The following MAP1B variants were observed in gnomAD, a reference collection of about 807,000 sequenced individuals.
MAP1B encodes microtubule associated protein 1B, also known as microtubule-associated protein 1B.
A neutral mutation model predicts 176.1 loss-of-function variants in MAP1B; 12 were observed. That is an observed-to-expected ratio of 0.07 (90% CI 0.04 to 0.11). The LOEUF is 0.11. Among genes scored for constraint, MAP1B ranks in the 10% least tolerant of loss-of-function variants. The pLI is 1.00. For missense variants in MAP1B, 2,523 were observed against 2,990.5 expected (o/e 0.84, Z 3.65); for synonymous variants, 1,044 against 1,135.0 (o/e 0.92, Z 1.61).
intron 2 of MAP1B, among the ~76,000 whole-genome samples, chr5:72,161,709 C>A (rs1001685073): frequency 6.6e-6 from 1 of 152,132 alleles, no homozygotes; most frequent in African/African-American, 2.4e-5. Flanking sequence ...GTAATCCCAG[C>A]ACTTTGGGAG....
chr5:72,182,773 T>G (rs1019652041), intron 2 of MAP1B, among the ~76,000 whole-genome samples: 1 of 152,164 alleles, frequency 6.6e-6, no homozygotes, highest in African/African-American at 2.4e-5. Flanking sequence ...GCAGCAGACA[T>G]GTTTGTGTCT....
At chr5:72,193,194 AT>A in intron 4 of MAP1B, 1 of 345,988 alleles carries the variant, frequency 2.9e-6, no homozygotes, top group South Asian at 2.3e-5. Flanking sequence ...GAAACCAGTA[AT>A]TTTTTGTAGT....
Position 72,195,350 on chromosome 5 carries a change from C to T in MAP1B, c.1995C>T (p.Asp665=). The change falls in exon 5 of 7, where the codon GAC becomes GAT. Residue 665 remains aspartate (D), a synonymous_variant. Coordinates refer to ENST00000296755, the MANE Select transcript of MAP1B (RefSeq NM_005909.5). ...KPKKEVAKKE[D]KTPIKKEEKP... is the part of the protein sequence containing the mutation. ...AGAAAGAAGTGGCTAAAAAGGAGGA[C>T]AAAACACCTATCAAGAAGGAGGAAA... 1 of 1,591,284 alleles carries T rather than the reference C, an allele frequency of 6.3e-7. No individual in the cohort carries two copies. The highest frequency in any genetic ancestry group is 8.5e-7 in the Non-Finnish European group (1 of 1,171,894).
Position 72,206,593 on chromosome 5 carries a change from A to G in MAP1B, c.*1354A>G, listed in dbSNP as rs977479857. 2.6e-5 allele frequency: 4 copies of G among 152,534 alleles called. No individual in the cohort carries two copies. The highest frequency in any genetic ancestry group is 4.8e-5 in the African/African-American group (2 of 41,464). 9.4% of individuals were successfully genotyped at this position (152,534 alleles called of 1,614,324 possible). A position where few individuals can be genotyped will look rare whatever the true frequency, so the allele number is the denominator to read the frequency against. On this transcript the variant is annotated 3_prime_UTR_variant, in exon 7 of 7. Transcript: ENST00000296755. ...TCAACATAATTATGGGAACAAGTGT[A>G]CAGAAGAATTTTTTTTTTAAGATAT...
chr5:72,124,876 C>A (rs769105805), intron 2 of MAP1B, among the ~76,000 whole-genome samples: 2 of 152,200 alleles, frequency 1.3e-5, no homozygotes, highest in Admixed American at 6.5e-5. Context: ...AGGAACACTG[C>A]TCTACATAGA....
rs1196414572 is a variant in MAP1B, at chr5:72,196,826, G to T, written c.3471G>T (p.Gln1157His). 8 of 1,614,064 alleles carry T rather than the reference G, an allele frequency of 5.0e-6. No individual in the cohort carries two copies. Among genetic ancestry groups the T allele is most frequent in the Non-Finnish European group, 5.9e-6 (7 of 1,179,970 alleles). ...TNNEETESPS[Q>H]EFVNITKYES... ...ATGAAGAGACGGAGTCCCCTTCTCAGGAATTCGTAAATATCACCAAATATG... is the reference window on the plus strand; with the variant it reads ...ATGAAGAGACGGAGTCCCCTTCTCATGAATTCGTAAATATCACCAAATATG... The change falls in exon 5 of 7, where the codon CAG becomes CAT. Residue 1157 changes from glutamine (Q) to histidine (H), a missense_variant. Gln to His is a conservative substitution (Grantham distance 24). Around this residue, in one of 4 missense-constraint regions of MAP1B, gnomAD observed 1,925 missense variants for 2,126.0 expected, o/e 0.91. Transcript: ENST00000296755. The surrounding 1 kb of genome is among the most constrained non-coding windows in gnomAD (Gnocchi z 5.3).
rs753695700 is a variant in MAP1B at position 72,197,133 on chromosome 5, A to C, written c.3778A>C (p.Ser1260Arg). The C allele has an allele frequency of 4.3e-6, 7 of 1,614,128 alleles. No homozygotes were observed. The East Asian group carries it at 1.3e-4, about 31-fold the overall frequency. The stretch of plus-strand genomic sequence containing the variant: ...CAGCCCATCGAAGAGCCCGTCCCTG[A>C]GTCCATCTCCACCATCACCCTTAGA... ...KVSPSKSPSL[S>R]PSPPSPLEKT... Residue 1260 changes from serine to arginine, a missense_variant, in exon 5 of 7, where the codon AGT becomes CGT. Ser to Arg is a moderately radical substitution (Grantham distance 110, BLOSUM62 -1). Around this residue, in one of 4 missense-constraint regions of MAP1B, gnomAD observed 1,925 missense variants for 2,126.0 expected, o/e 0.91. Coordinates refer to ENST00000296755, the MANE Select transcript of MAP1B (RefSeq NM_005909.5).
At chr5:72,188,263 G>C (rs558690327) in intron 4 of MAP1B, among the ~76,000 whole-genome samples, 1 of 152,318 alleles carries the variant, frequency 6.6e-6, no homozygotes, top group Middle Eastern at 3.4e-3. Context: ...TGTTGTACCC[G>C]GAGGCAGGTG....
intron 2 of MAP1B, among the ~76,000 whole-genome samples, chr5:72,130,900 A>G (rs1010049481): frequency 1.3e-5 from 2 of 152,242 alleles, no homozygotes; most frequent in East Asian, 3.8e-4. Flanking sequence ...GTTGGCAAAC[A>G]TAGCTGATGT....
At chr5:72,178,486 G>A (rs1479718774) in intron 2 of MAP1B, among the ~76,000 whole-genome samples, 1 of 152,216 alleles carries the variant, frequency 6.6e-6, no homozygotes, top group East Asian at 1.9e-4. Flanking sequence ...GAAGTAGTTG[G>A]TAGGTGAAGA....
Position 72,198,736 on chromosome 5 carries a change from C to G in MAP1B, c.5381C>G (p.Pro1794Arg). 1 of 1,614,164 alleles carries G rather than the reference C, an allele frequency of 6.2e-7. No individual in the cohort carries two copies. The highest frequency in any genetic ancestry group is 8.5e-7 in the Non-Finnish European group (1 of 1,180,022). The part of the protein sequence containing the change: ...ISPLTPRESS[P>R]LYSPTFSDST... ...CCACTCACCCCACGAGAGTCCTCTCCTTTATATTCACCTACTTTTTCAGAT... is the reference window on the plus strand; with the variant it reads ...CCACTCACCCCACGAGAGTCCTCTCGTTTATATTCACCTACTTTTTCAGAT... The change falls in exon 5 of 7, where the codon CCT becomes CGT. Residue 1794 changes from proline (P) to arginine (R), a missense_variant. By Grantham distance (103) the Pro-to-Arg change is moderately radical (BLOSUM62 -2). Around this residue, in one of 4 missense-constraint regions of MAP1B, gnomAD observed 1,925 missense variants for 2,126.0 expected, o/e 0.91. Transcript: ENST00000296755.
intron 2 of MAP1B, among the ~76,000 whole-genome samples, chr5:72,124,301 C>T (rs1032217821): frequency 1.7e-4 from 26 of 152,228 alleles, no homozygotes; most frequent in African/African-American, 4.8e-4. Context: ...TCTGGGGAAG[C>T]GCACTTAGTG....
intron 2 of MAP1B, among the ~76,000 whole-genome samples, chr5:72,118,053 G>T (rs1033981772): frequency 1.3e-5 from 2 of 152,202 alleles, no homozygotes; most frequent in Non-Finnish European, 2.9e-5. Context: ...AAACTGGAAA[G>T]GTTTTATGGA....
At chr5:72,165,751 T>A (rs1746415255) in intron 2 of MAP1B, among the ~76,000 whole-genome samples, 1 of 152,194 alleles carries the variant, frequency 6.6e-6, no homozygotes, top group South Asian at 2.1e-4. Flanking sequence ...ATATAAAATA[T>A]GCATTACTAT....
rs1414132185 is a variant in MAP1B at position 72,197,989 on chromosome 5, A to C, written c.4634A>C (p.His1545Pro). The C allele has an allele frequency of 6.2e-7, 1 of 1,614,212 alleles. No homozygotes were observed. The highest frequency in any genetic ancestry group is 1.3e-5 in the African/African-American group (1 of 75,052). Residue 1545 changes from histidine to proline, a missense_variant, in exon 5 of 7, where the codon CAT becomes CCT. By Grantham distance (77) the His-to-Pro change is moderately conservative. This residue lies in a region of MAP1B where 1,925 missense variants were observed against 2,126.0 expected (regional missense o/e 0.91). Transcript: ENST00000296755. ...GGCGTAGCAGAAGACACGTACTCTC[A>C]TATGGAGGGTGTGGCCTCAGTGTCC... ...DEGVAEDTYS[H>P]MEGVASVSTA...
chr5:72,150,121 T>C (rs1393213017), intron 2 of MAP1B, among the ~76,000 whole-genome samples: 1 of 152,242 alleles, frequency 6.6e-6, no homozygotes. Flanking sequence ...CATTTAGCTT[T>C]TACAAAAATA....
rs994027569 is a variant in MAP1B, at chr5:72,207,583, T to A, written c.*2344T>A. On this transcript the variant is annotated 3_prime_UTR_variant, in exon 7 of 7. Coordinates refer to ENST00000296755, the MANE Select transcript of MAP1B (RefSeq NM_005909.5). The stretch of plus-strand genomic sequence containing the variant: ...TTTCAAGTCCTTGGAAAATAACATA[T>A]TAAGGGTACAAGAAATTAACACATG... 2 of 152,204 alleles carry A rather than the reference T, an allele frequency of 1.3e-5. No homozygotes were observed. Among genetic ancestry groups the A allele is most frequent in the African/African-American group, 4.8e-5 (2 of 41,454 alleles). 9.4% of individuals were successfully genotyped at this position (152,204 alleles called of 1,614,324 possible).
Position 72,196,109 on chromosome 5 carries a change from G to A in MAP1B, c.2754G>A (p.Gln918=), listed in dbSNP as rs1024453686. The A allele has an allele frequency of 6.2e-6, 10 of 1,613,980 alleles. No individual in the cohort carries two copies. In the African/African-American group the frequency reaches 1.2e-4, roughly 19 times the overall value. The change falls in exon 5 of 7, where the codon CAG becomes CAA. Residue 918 remains glutamine (Q), a synonymous_variant. Coordinates refer to ENST00000296755, the MANE Select transcript of MAP1B (RefSeq NM_005909.5). This position sits in a 1 kb window ranked among gnomAD's most constrained non-coding sequence, Gnocchi z 5.3. ...TPEELEPVEK[Q]GVDDIEKFED... is the part of the protein sequence containing the mutation. ...AGGAGCTGGAGCCCGTCGAGAAGCAGGGAGTAGACGACATTGAAAAATTTG... is the reference window on the plus strand; with the variant it reads ...AGGAGCTGGAGCCCGTCGAGAAGCAAGGAGTAGACGACATTGAAAAATTTG...
chr5:72,156,620 T>A lies in MAP1B; in HGVS notation c.287-27123T>A, dbSNP rs1265828853. 2.0e-5 allele frequency among the ~76,000 whole-genome samples: 3 copies of A among 152,214 alleles called. No homozygotes were observed. In the East Asian group the frequency reaches 5.8e-4, roughly 29 times the overall value. On this transcript the variant is annotated intron_variant, in intron 2 of 6. Transcript: ENST00000296755. ...ATTCGGACAGTGCTTTCCAATGCAG[T>A]TCCCATATGTTACCCCATTTAAATC...
Sources: gnomAD v4.1 joint callset for allele counts (sites outside exome capture counted in the v4.1 genomes callset) on GRCh38, gnomAD v4.1.1 for gene constraint, gnomAD v4.1.1 regional missense constraint, Gnocchi (gnomAD v3.1) non-coding constraint, MANE v1.5 for transcripts, NCBI Gene and HGNC (gene_info 2026-07-23, HGNC 2026-07-21) for gene names.